The following SGPP2 variants were observed in gnomAD, a reference collection of about 807,000 sequenced individuals.
SGPP2 encodes sphingosine 1-phosphate phosphohydrolase 2.
SGPP2 carries 30 observed loss-of-function variants against 33.9 expected under a neutral mutation model. The observed-to-expected ratio is 0.89, with a 90% CI of 0.66 to 1.20. SGPP2 has a LOEUF of 1.20. SGPP2 is among the 50% of genes most tolerant of loss of function. The pLI is 0.00. For synonymous variants in SGPP2, 233 were observed against 225.0 expected, an observed-to-expected ratio of 1.04 and a Z score of -0.32; for missense variants, 458 against 532.1, an observed-to-expected ratio of 0.86 and a Z score of 1.37.
In SGPP2 at chr2:222,476,457, A is replaced by G. The variant is rs980473781; in HGVS notation, c.378+1731A>G. 3.9e-5 allele frequency among the ~76,000 whole-genome samples: 6 copies of G among 152,170 alleles called. No individual in the cohort carries two copies. The highest frequency in any genetic ancestry group is 1.4e-4 in the African/African-American group (6 of 41,434). ...TGAAATCTAGCTTCTGTCTAAAAGTATAATCTGAGAGTCTGCAAAAGCATA... is the reference window on the plus strand; with the variant it reads ...TGAAATCTAGCTTCTGTCTAAAAGTGTAATCTGAGAGTCTGCAAAAGCATA... On this transcript the variant is annotated intron_variant, in intron 2 of 4. Coordinates refer to ENST00000321276, the MANE Select transcript of SGPP2 (RefSeq NM_152386.4). This position sits in a 1 kb window ranked among gnomAD's most constrained non-coding sequence, Gnocchi z 4.3.
intron 1 of SGPP2, among the ~76,000 whole-genome samples, chr2:222,462,901 G>GC (rs1226412994): frequency 2.6e-5 from 4 of 152,078 alleles, no homozygotes; most frequent in African/African-American, 9.7e-5. Context: ...AGTCTGGGTG[G>GC]GAAGGACCAT....
In SGPP2 at chr2:222,562,217, A is replaced by T. The variant is rs1689555345; in HGVS notation, c.*3319A>T. Among the ~76,000 whole-genome samples the T allele has an allele frequency of 6.6e-6, 1 of 152,108 alleles. No individual in the cohort carries two copies. The highest frequency in any genetic ancestry group is 6.6e-5 in the Admixed American group (1 of 15,254). ...ACATGCCTTTTTCCTAATTGTCCAC[A>T]TTCCACCCCCAACCCACTGCCACTG... On this transcript the variant is annotated 3_prime_UTR_variant, in exon 5 of 5. Transcript: ENST00000321276.
At position 222,561,610 on chromosome 2, in the gene SGPP2, T is replaced by C. The variant is rs974378061; in HGVS notation, c.*2712T>C. On this transcript the variant is annotated 3_prime_UTR_variant, in exon 5 of 5. Transcript: ENST00000321276. Reference sequence around the variant, plus strand: ...TAAGTCCCAACAATAGGAAGGCCGATCAGCTATATTGATATATTTAAGGCT... The same window carrying C: ...TAAGTCCCAACAATAGGAAGGCCGACCAGCTATATTGATATATTTAAGGCT... 6.6e-6 allele frequency among the ~76,000 whole-genome samples: 1 copy of C among 151,480 alleles called. No individual in the cohort carries two copies. Among genetic ancestry groups the C allele is most frequent in the Non-Finnish European group, 1.5e-5 (1 of 67,912 alleles).
At chr2:222,458,655 A>G (rs1010065858) in intron 1 of SGPP2, among the ~76,000 whole-genome samples, 33 of 152,302 alleles carry the variant, frequency 2.2e-4, no homozygotes, top group East Asian at 9.6e-4. Context: ...TACAGTTCAC[A>G]TGCCATGCAA....
intron 2 of SGPP2, among the ~76,000 whole-genome samples, chr2:222,503,293 G>A (rs1698394639): frequency 6.6e-6 from 1 of 152,174 alleles, no homozygotes; most frequent in African/African-American, 2.4e-5. Context: ...TTAAAATGAC[G>A]ATGAATTTAA....
chr2:222,428,785 C>CTTTTTT (rs58239129), intron 1 of SGPP2, among the ~76,000 whole-genome samples: 2 of 75,342 alleles, frequency 2.7e-5, no homozygotes, highest in Non-Finnish European at 4.9e-5. Flanking sequence ...ACATGGTTTT[C>CTTTTTT]TTTTTTTTTT....
chr2:222,474,813 T>A, intron 2 of SGPP2, 87 bp downstream of exon 2: 1 of 925,528 alleles, frequency 1.1e-6, no homozygotes, highest in Non-Finnish European at 1.4e-6. Flanking sequence ...ATATGTTCTT[T>A]CTTTTTTTTT....
At chr2:222,435,179 GA>G (rs988340119) in intron 1 of SGPP2, among the ~76,000 whole-genome samples, 1 of 152,094 alleles carries the variant, frequency 6.6e-6, no homozygotes, top group Non-Finnish European at 1.5e-5. Context: ...GAGCCAGTCT[GA>G]GTTCCAAAAC....
rs1167676534 is a variant in SGPP2 at position 222,562,013 on chromosome 2, C to T, written c.*3115C>T. Among the ~76,000 whole-genome samples, 1 of 152,092 alleles carries T rather than the reference C, an allele frequency of 6.6e-6. No individual in the cohort carries two copies. The highest frequency in any genetic ancestry group is 2.4e-5 in the African/African-American group (1 of 41,398). ...GGAGTTTCTCTCTGGGGAAAGAGAG[C>T]CCCCTACTGGTTTGGCTTCAGTCTA... On this transcript the variant is annotated 3_prime_UTR_variant, in exon 5 of 5. Transcript: ENST00000321276.
chr2:222,552,818 C>T (rs1236056624), intron 4 of SGPP2, among the ~76,000 whole-genome samples: 2 of 152,148 alleles, frequency 1.3e-5, no homozygotes, highest in Non-Finnish European at 2.9e-5. Flanking sequence ...TAAGATCACA[C>T]CATTGCACTC....
At chr2:222,544,034 T>C (rs937000331) in intron 4 of SGPP2, among the ~76,000 whole-genome samples, 1 of 152,196 alleles carries the variant, frequency 6.6e-6, no homozygotes, top group African/African-American at 2.4e-5. Context: ...GTCTTGCCTA[T>C]CATATATTAG....
At chr2:222,497,253 T>C (rs959155967) in intron 2 of SGPP2, among the ~76,000 whole-genome samples, 40 of 147,160 alleles carry the variant, frequency 2.7e-4, no homozygotes, top group African/African-American at 7.9e-4. Flanking sequence ...CTTTCTTCTT[T>C]TTTTTTTTTT....
At chr2:222,533,255 T>A (rs150826727) in intron 4 of SGPP2, among the ~76,000 whole-genome samples, 1 of 152,122 alleles carries the variant, frequency 6.6e-6, no homozygotes, top group African/African-American at 2.4e-5. Flanking sequence ...CTGAGGAGTG[T>A]CATCACCTTC....
intron 2 of SGPP2, among the ~76,000 whole-genome samples, chr2:222,502,898 C>G (rs747747834): frequency 1.3e-5 from 2 of 152,198 alleles, no homozygotes; most frequent in Non-Finnish European, 1.5e-5. Context: ...CCCTTTAACA[C>G]TGCCTCAATT....
intron 1 of SGPP2, among the ~76,000 whole-genome samples, chr2:222,427,220 T>C (rs1482948852): frequency 6.6e-6 from 1 of 152,236 alleles, no homozygotes; most frequent in African/African-American, 2.4e-5. Context: ...CTAGTGACTT[T>C]TGTGAATACA....
At chr2:222,436,823 G>A (rs1226830964) in intron 1 of SGPP2, among the ~76,000 whole-genome samples, 1 of 152,190 alleles carries the variant, frequency 6.6e-6, no homozygotes, top group African/African-American at 2.4e-5. Flanking sequence ...CCACCAGGTA[G>A]CCGGCTGATC....
intron 1 of SGPP2, among the ~76,000 whole-genome samples, chr2:222,472,037 G>C (rs75811458): frequency 6.6e-6 from 1 of 152,168 alleles, no homozygotes; most frequent in South Asian, 2.1e-4. Flanking sequence ...GATAAAAAAT[G>C]AGAATGCATT....
chr2:222,524,390 G>T (rs1484619388), intron 3 of SGPP2, among the ~76,000 whole-genome samples: 1 of 152,138 alleles, frequency 6.6e-6, no homozygotes, highest in Non-Finnish European at 1.5e-5. Flanking sequence ...GATTCCTCTA[G>T]CCACTAGTAT....
Position 222,561,441 on chromosome 2 carries a change from C to A in SGPP2, c.*2543C>A, listed in dbSNP as rs114075669. Reference sequence around the variant, plus strand: ...TGAAGCCAGCTGACAAAAGGATCAGCTTTTCCCACTTGTATTTTTTAAAAA... The same window carrying A: ...TGAAGCCAGCTGACAAAAGGATCAGATTTTCCCACTTGTATTTTTTAAAAA... On this transcript the variant is annotated 3_prime_UTR_variant, in exon 5 of 5. Transcript: ENST00000321276. 2.8e-4 allele frequency among the ~76,000 whole-genome samples: 43 copies of A among 151,988 alleles called. No individual in the cohort carries two copies. Among genetic ancestry groups the A allele is most frequent in the African/African-American group, 9.9e-4 (41 of 41,492 alleles).
Sources: gnomAD v4.1 joint callset for allele counts (sites outside exome capture counted in the v4.1 genomes callset) on GRCh38, gnomAD v4.1.1 for gene constraint, Gnocchi (gnomAD v3.1) non-coding constraint, MANE v1.5 for transcripts, NCBI Gene and HGNC (gene_info 2026-07-23, HGNC 2026-07-21) for gene names.